KLHL1: variants seen among roughly 807,000 people sequenced by gnomAD.
KLHL1 encodes kelch-like protein 1.
Under a neutral mutation model 77.7 loss-of-function variants are expected in KLHL1, and 47 were observed. That is an observed-to-expected ratio of 0.60 (90% confidence interval 0.48 to 0.77). KLHL1 has a LOEUF of 0.77. KLHL1 is among the 30% of genes least tolerant of loss of function. The pLI, the probability that KLHL1 is intolerant of heterozygous loss-of-function variation, is 0.00. For synonymous variants in KLHL1, 360 were observed against 325.2 expected, an observed-to-expected ratio of 1.11 and a Z score of -1.15; for missense variants, 925 against 910.8, an observed-to-expected ratio of 1.02 and a Z score of -0.20.
chr13:70,003,117 C>A (rs1885335600), intron 1 of KLHL1, among the ~76,000 whole-genome samples: 1 of 150,758 alleles, frequency 6.6e-6, no homozygotes, highest in Non-Finnish European at 1.5e-5. Context: ...AAAAGGAAAA[C>A]AAATATGTGA....
chr13:70,055,854 T>C (rs533819436), intron 1 of KLHL1, among the ~76,000 whole-genome samples: 1 of 151,842 alleles, frequency 6.6e-6, no homozygotes, highest in South Asian at 2.1e-4. Context: ...AATTAAATCA[T>C]ACTACCAGAT....
At chr13:69,882,845 A>T (rs1362333217) in intron 4 of KLHL1, among the ~76,000 whole-genome samples, 3 of 152,216 alleles carry the variant, frequency 2.0e-5, no homozygotes, top group African/African-American at 7.2e-5. Flanking sequence ...TAAAAGCTTG[A>T]CTATATATGT....
At chr13:69,939,361 A>ACATACTATATG (rs1490003113) in intron 4 of KLHL1, among the ~76,000 whole-genome samples, 1 of 93,308 alleles carries the variant, frequency 1.1e-5, no homozygotes, top group African/African-American at 4.3e-5. Flanking sequence ...ATATATATAT[A>ACATACTATATG]TATATATATA....
chr13:69,777,691 A>G (rs1358503860), intron 7 of KLHL1, among the ~76,000 whole-genome samples: 1 of 152,088 alleles, frequency 6.6e-6, no homozygotes, highest in Non-Finnish European at 1.5e-5. Flanking sequence ...CAGCTTATGC[A>G]TCACTTCTTT....
At chr13:69,927,545 A>C (rs2138275542) in intron 4 of KLHL1, among the ~76,000 whole-genome samples, 1 of 152,334 alleles carries the variant, frequency 6.6e-6, no homozygotes, top group Non-Finnish European at 1.5e-5. Context: ...ATATTTAAAT[A>C]ACTTTTACAA....
intron 9 of KLHL1, 86 bp from the exon 10 acceptor site, chr13:69,707,882 A>G: frequency 8.7e-7 from 1 of 1,148,502 alleles, no homozygotes. Flanking sequence ...AAAGCCTGTC[A>G]TGAAAAAGGA....
intron 1 of KLHL1, among the ~76,000 whole-genome samples, chr13:70,088,602 G>A (rs1045412775): frequency 6.6e-6 from 1 of 152,086 alleles, no homozygotes; most frequent in African/African-American, 2.4e-5. Context: ...AGGATCACTT[G>A]AGCCCAGGAG....
chr13:69,778,792 CTTTTTT>C (rs1172258314), intron 7 of KLHL1, among the ~76,000 whole-genome samples: 24,081 of 98,840 alleles, frequency 0.24, 1,541 homozygotes, highest in Middle Eastern at 0.34. Flanking sequence ...TATTCCCTCT[CTTTTTT>C]TTTTTTTTTT....
intron 1 of KLHL1, among the ~76,000 whole-genome samples, chr13:70,002,107 TATAAG>T (rs1885306731): frequency 6.6e-6 from 1 of 151,604 alleles, no homozygotes; most frequent in Middle Eastern, 3.2e-3. Context: ...CAGCACTCTT[TATAAG>T]ATATCAACAT....
intron 5 of KLHL1, among the ~76,000 whole-genome samples, chr13:69,875,071 G>T (rs1880715141): frequency 6.6e-6 from 1 of 152,020 alleles, no homozygotes; most frequent in Non-Finnish European, 1.5e-5. Context: ...TCAGAGAGTA[G>T]AACAAATTAG....
At chr13:69,961,817 T>A (rs1441830285) in intron 2 of KLHL1, among the ~76,000 whole-genome samples, 1 of 98,480 alleles carries the variant, frequency 1.0e-5, no homozygotes, top group East Asian at 2.7e-4. Context: ...GTTGGTGAGA[T>A]TTCTATTATG....
At chr13:69,839,745 C>A (rs2138111462) in intron 5 of KLHL1, among the ~76,000 whole-genome samples, 1 of 152,026 alleles carries the variant, frequency 6.6e-6, no homozygotes, top group Non-Finnish European at 1.5e-5. Context: ...TACCAAAATT[C>A]AGCACCCAAT....
At chr13:70,014,138 G>T (rs186520391) in intron 1 of KLHL1, among the ~76,000 whole-genome samples, 339 of 152,020 alleles carry the variant, frequency 2.2e-3, no homozygotes, top group Admixed American at 4.1e-3. Flanking sequence ...TGCTTCTCAG[G>T]TACTTATGTG....
intron 1 of KLHL1, among the ~76,000 whole-genome samples, chr13:70,074,184 T>A (rs1422485079): frequency 1.3e-5 from 2 of 152,088 alleles, no homozygotes; most frequent in East Asian, 3.9e-4. Context: ...ATTTGAAGAA[T>A]TAAGAGATTT....
At chr13:70,101,355 C>T (rs7338696) in intron 1 of KLHL1, among the ~76,000 whole-genome samples, 133,509 of 151,984 alleles carry the variant, frequency 0.88, 58,836 homozygotes, top group East Asian at 1. Context: ...GTATAAACTA[C>T]AGTTTATACT....
rs1406841366 is a variant in KLHL1, at chr13:69,779,798, ATTTATTTTAT to A, written c.1639+16930_1639+16939del. Among the ~76,000 whole-genome samples, 95 of 151,702 alleles carry A rather than the reference ATTTATTTTAT, an allele frequency of 6.3e-4. 1 individual carries two copies. In the South Asian group the frequency reaches 6.9e-3, roughly 11 times the overall value. On this transcript the variant is annotated intron_variant, in intron 7 of 10. Transcript: ENST00000377844. ...ATTTCCTATGCAAAATTTATTTTTT[ATTTATTTTAT>A]TTTATTTTATTTTATATTTTTTGAG...
intron 1 of KLHL1, among the ~76,000 whole-genome samples, chr13:70,055,033 T>C (rs1327151947): frequency 6.6e-6 from 1 of 151,698 alleles, no homozygotes; most frequent in East Asian, 1.9e-4. Flanking sequence ...TAGAAATCTT[T>C]CCAAACCTCG....
At chr13:69,759,549 A>T (rs1176005607) in intron 7 of KLHL1, among the ~76,000 whole-genome samples, 1 of 152,210 alleles carries the variant, frequency 6.6e-6, no homozygotes, top group African/African-American at 2.4e-5. Flanking sequence ...TATACATAAC[A>T]TAAAGACATA....
intron 7 of KLHL1, among the ~76,000 whole-genome samples, chr13:69,784,753 A>G (rs1393743650): frequency 1.3e-5 from 2 of 151,756 alleles, no homozygotes; most frequent in African/African-American, 4.8e-5. Flanking sequence ...TTAACACCCC[A>G]CTGTCAATAT....
Sources: gnomAD v4.1 joint callset for allele counts (sites outside exome capture counted in the v4.1 genomes callset) on GRCh38, gnomAD v4.1.1 for gene constraint, MANE v1.5 for transcripts, NCBI Gene and HGNC (gene_info 2026-07-23, HGNC 2026-07-21) for gene names.